The following NRG3 variants were observed in gnomAD, a reference collection of about 807,000 sequenced individuals.
NRG3 encodes the protein pro-neuregulin-3, membrane-bound isoform.
In NRG3, 31 loss-of-function variants were observed where a neutral mutation model predicts 66.9. The observed-to-expected ratio is 0.46, with a 90% CI of 0.35 to 0.63. The LOEUF (loss-of-function observed/expected upper bound fraction) is 0.63. NRG3 is among the 20% of genes least tolerant of loss of function. The pLI is 0.00. For synonymous variants in NRG3, 393 were observed against 359.4 expected, an observed-to-expected ratio of 1.09 and a Z score of -1.06; for missense variants, 910 against 878.9, an observed-to-expected ratio of 1.04 and a Z score of -0.45.
At chr10:82,541,680 G>A (rs78903061) in intron 2 of NRG3, among the ~76,000 whole-genome samples, 6 of 152,298 alleles carry the variant, frequency 3.9e-5, no homozygotes, top group African/African-American at 1.4e-4. Context: ...CTGTCTGCCT[G>A]TGGATTTCAT....
intron 2 of NRG3, among the ~76,000 whole-genome samples, chr10:82,642,061 G>A (rs767946532): frequency 3.3e-5 from 5 of 151,968 alleles, no homozygotes; most frequent in African/African-American, 9.7e-5. Context: ...CTATGTCCAC[G>A]TGTGCATATT....
intron 2 of NRG3, among the ~76,000 whole-genome samples, chr10:82,531,278 C>T (rs919285640): frequency 6.6e-6 from 1 of 151,680 alleles, no homozygotes; most frequent in African/African-American, 2.4e-5. Context: ...AAGATTCCTT[C>T]TCCCATTACC....
intron 1 of NRG3, among the ~76,000 whole-genome samples, chr10:81,939,400 TTTG>T (rs1473897724): frequency 2.6e-5 from 4 of 151,962 alleles, no homozygotes; most frequent in Non-Finnish European, 5.9e-5. Flanking sequence ...GTCTTGGGCT[TTTG>T]TTGTTGTTGT....
intron 4 of NRG3, among the ~76,000 whole-genome samples, chr10:82,875,534 T>G (rs920700906): frequency 1.3e-5 from 2 of 152,144 alleles, no homozygotes; most frequent in African/African-American, 4.8e-5. Flanking sequence ...ATTTTTTATT[T>G]TTTTGTAGAG....
At chr10:82,778,310 T>C (rs1171158702) in intron 3 of NRG3, among the ~76,000 whole-genome samples, 1 of 152,168 alleles carries the variant, frequency 6.6e-6, no homozygotes, top group African/African-American at 2.4e-5. Context: ...CAAACTGCTA[T>C]GAAGAAATCC....
intron 1 of NRG3, among the ~76,000 whole-genome samples, chr10:82,217,831 A>G (rs2075763434): frequency 6.6e-6 from 1 of 152,192 alleles, no homozygotes; most frequent in African/African-American, 2.4e-5. Flanking sequence ...TGAAGAATGA[A>G]GTGTTATTAA....
At chr10:82,937,036 G>A (rs17687943) in intron 4 of NRG3, among the ~76,000 whole-genome samples, 75,998 of 151,982 alleles carry the variant, frequency 0.5, 19,254 homozygotes, top group Middle Eastern at 0.59. Flanking sequence ...ATTATGATTC[G>A]TGGAGCATCA....
intron 2 of NRG3, among the ~76,000 whole-genome samples, chr10:82,540,624 G>A (rs1009873367): frequency 9.9e-5 from 15 of 152,152 alleles, no homozygotes; most frequent in Admixed American, 3.3e-4. Flanking sequence ...AGGGAAGGGC[G>A]GAGAGGGAAG....
At chr10:82,384,782 T>A (rs1055695837) in intron 2 of NRG3, among the ~76,000 whole-genome samples, 1 of 152,236 alleles carries the variant, frequency 6.6e-6, no homozygotes, top group Admixed American at 6.5e-5. Context: ...TATATTCCTT[T>A]GGGTATATAC....
In NRG3 at chr10:82,803,891, C is replaced by T. The variant is rs59233528; in HGVS notation, c.1028-61520C>T. ...ACGGTTTTAGTTCCCCAAGGTCAAC[C>T]ATAGTCCAAAAATATTAAGTGGACA... is the stretch of plus-strand genomic sequence containing the variant. On this transcript the variant is annotated intron_variant, in intron 3 of 8. Transcript: ENST00000372141. 1.4e-4 allele frequency among the ~76,000 whole-genome samples: 21 copies of T among 152,214 alleles called. No individual in the cohort carries two copies. The East Asian group carries it at 3.5e-3, about 25-fold the overall frequency.
chr10:82,793,954 A>C (rs2060692788), intron 3 of NRG3, among the ~76,000 whole-genome samples: 1 of 151,902 alleles, frequency 6.6e-6, no homozygotes, highest in Admixed American at 6.6e-5. Context: ...TCTTTCACTT[A>C]TTTTTTTTAC....
intron 1 of NRG3, among the ~76,000 whole-genome samples, chr10:82,223,674 C>CACACAT (rs1554853408): frequency 2.6e-5 from 4 of 151,286 alleles, no homozygotes; most frequent in African/African-American, 9.8e-5. Context: ...CACACACACA[C>CACACAT]ACACACACAT....
intron 1 of NRG3, among the ~76,000 whole-genome samples, chr10:81,902,347 C>T (rs1343709453): frequency 6.6e-6 from 1 of 152,192 alleles, no homozygotes. Context: ...TGTGTTCCCT[C>T]ATCCCCTAAA....
chr10:82,506,563 C>T (rs1208433803), intron 2 of NRG3, among the ~76,000 whole-genome samples: 1 of 151,964 alleles, frequency 6.6e-6, no homozygotes, highest in East Asian at 1.9e-4. Flanking sequence ...CTCTCTTACT[C>T]CCTCTTTTCC....
chr10:82,358,648 G>T (rs766819781), intron 1 of NRG3, 91 bp from the exon 2 acceptor site: 24 of 1,562,090 alleles, frequency 1.5e-5, no homozygotes, highest in Non-Finnish European at 2.0e-5. Flanking sequence ...CCATGAGAAG[G>T]CCTCCATACA....
chr10:82,684,660 CT>C (rs2054537217), intron 2 of NRG3, among the ~76,000 whole-genome samples: 1 of 152,102 alleles, frequency 6.6e-6, no homozygotes, highest in African/African-American at 2.4e-5. Flanking sequence ...TGAATATATT[CT>C]TTGTACAGCC....
At chr10:82,939,022 A>G (rs1413301278) in intron 4 of NRG3, among the ~76,000 whole-genome samples, 3 of 152,236 alleles carry the variant, frequency 2.0e-5, no homozygotes, top group Admixed American at 1.3e-4. Context: ...ACTGGTAGAT[A>G]TAACTTGATG....
At chr10:82,802,146 A>G (rs2061068713) in intron 3 of NRG3, among the ~76,000 whole-genome samples, 1 of 152,180 alleles carries the variant, frequency 6.6e-6, no homozygotes, top group African/African-American at 2.4e-5. Context: ...CCTTTACTCT[A>G]ATACTTTTGT....
chr10:82,231,267 TAGGA>T (rs2076444078), intron 1 of NRG3, among the ~76,000 whole-genome samples: 1 of 152,060 alleles, frequency 6.6e-6, no homozygotes, highest in East Asian at 1.9e-4. Context: ...CACTTGAACC[TAGGA>T]AGGTTCAAGT....
Sources: allele counts gnomAD v4.1 joint callset (sites outside exome capture counted in the v4.1 genomes callset), GRCh38; gene constraint gnomAD v4.1.1; transcripts MANE v1.5; gene names NCBI Gene and HGNC (gene_info 2026-07-23, HGNC 2026-07-21).